DPP8: variants seen among roughly 807,000 people sequenced by gnomAD.
The protein encoded by DPP8 is dipeptidyl peptidase 8.
DPP8 carries 31 observed loss-of-function variants against 107.5 expected under a neutral mutation model. That is an observed-to-expected ratio of 0.29 (90% CI 0.22 to 0.39). The LOEUF is 0.39. DPP8 is among the 10% of genes least tolerant of loss of function. The pLI, the probability that DPP8 is intolerant of heterozygous loss-of-function variation, is 1.00. For synonymous variants in DPP8, 381 were observed against 356.6 expected, an observed-to-expected ratio of 1.07 and a Z score of -0.77; for missense variants, 842 against 1,076.1, an observed-to-expected ratio of 0.78 and a Z score of 3.04.
rs2063372965 is a variant in DPP8 at position 65,443,494 on chromosome 15, A to T, written c.*3390T>A. 1 of 32,716 alleles carries T rather than the reference A, an allele frequency of 3.1e-5. No homozygotes were observed. The highest frequency in any genetic ancestry group is 2.2e-4 in the Admixed American group (1 of 4,512). The allele number at this position is 32,716 out of a possible 1,614,324, so 2.0% of individuals were successfully genotyped here. A position where few individuals can be genotyped will look rare whatever the true frequency, so the allele number is the denominator to read the frequency against. On this transcript the variant is annotated 3_prime_UTR_variant, in exon 20 of 20. Coordinates refer to ENST00000300141, the MANE Select transcript of DPP8 (RefSeq NM_130434.5). ...TTCTGGAAGGAATAAAACAAGTAGT[A>T]AAAAAAAAAAAGTAAGCATCGGTAT...
chr15:65,447,438 C>T (rs771630181), intron 19 of DPP8, among the ~76,000 whole-genome samples: 2 of 152,156 alleles, frequency 1.3e-5, no homozygotes, highest in Non-Finnish European at 2.9e-5. Context: ...CTAGAAGTCA[C>T]AGTATTCCTC....
chr15:65,460,155 C>G (rs553426800), intron 15 of DPP8, among the ~76,000 whole-genome samples: 2 of 152,130 alleles, frequency 1.3e-5, no homozygotes, highest in East Asian at 3.9e-4. Flanking sequence ...CCATTAATAA[C>G]TTCCAGACAG....
chr15:65,452,257 T>C (rs7180725), intron 17 of DPP8, among the ~76,000 whole-genome samples, 155 bp from the exon 18 acceptor site: 31,240 of 152,036 alleles, frequency 0.21, 4,219 homozygotes, highest in East Asian at 0.73. Context: ...GAATACGAAG[T>C]GAAGCGCTAA....
At position 65,442,802 on chromosome 15, in the gene DPP8, T is replaced by C. The variant is rs1271000727; in HGVS notation, c.*4082A>G. The C allele has an allele frequency of 6.6e-6, 1 of 152,208 alleles. No homozygotes were observed. Among genetic ancestry groups the C allele is most frequent in the Non-Finnish European group, 1.5e-5 (1 of 68,032 alleles). The allele number at this position is 152,208 out of a possible 1,614,324, so 9.4% of individuals were successfully genotyped here. ...CCAGGACCTTGCACTAACATCTCTA[T>C]ATTTGAGGCTGGAAGATGGCTAGGT... On this transcript the variant is annotated 3_prime_UTR_variant, in exon 20 of 20. Coordinates refer to ENST00000300141, the MANE Select transcript of DPP8 (RefSeq NM_130434.5).
intron 11 of DPP8, chr15:65,475,662 A>T: frequency 1.4e-6 from 1 of 691,428 alleles, no homozygotes; most frequent in East Asian, 3.3e-5. Flanking sequence ...TAAAACTCAC[A>T]AAAGAAAATG....
chr15:65,451,135 AT>A, intron 18 of DPP8, 25 bp from the exon 19 acceptor site: 1 of 1,370,682 alleles, frequency 7.3e-7, no homozygotes, highest in Non-Finnish European at 1.0e-6. Context: ...ATATTAGAGG[AT>A]TAGGCAAAAT....
In DPP8 at chr15:65,497,871, C is replaced by T; in HGVS notation, c.708G>A (p.Val236=). Residue 236 remains valine, a synonymous_variant, in exon 5 of 20, where the codon GTG becomes GTA. Coordinates refer to ENST00000300141, the MANE Select transcript of DPP8 (RefSeq NM_130434.5). ...VTREERRLTY[V]HNELANMEED... ...TGAAGAACTACGCCTTACCATTGTG[C>T]ACATAAGTGAGTCTCCTTTCTTCTC... The T allele has an allele frequency of 6.5e-7, 1 of 1,539,282 alleles. No individual in the cohort carries two copies. Among genetic ancestry groups the T allele is most frequent in the Non-Finnish European group, 8.8e-7 (1 of 1,134,086 alleles).
At chr15:65,474,348 A>G in intron 11 of DPP8, 60 bp from the exon 12 acceptor site, 3 of 1,258,066 alleles carry the variant, frequency 2.4e-6, no homozygotes, top group Non-Finnish European at 3.5e-6. Context: ...AAATGAAACA[A>G]TTAAGAACAG....
rs1013556661 is a variant in DPP8, at chr15:65,477,686, C to T, written c.1456+1194G>A. ...CTGGGACTACAGGCGCCCACCACCACGCCCGGCTAATTTTTTTTTGTATTT... is the reference window on the plus strand; with the variant it reads ...CTGGGACTACAGGCGCCCACCACCATGCCCGGCTAATTTTTTTTTGTATTT... On this transcript the variant is annotated intron_variant, in intron 11 of 19. Transcript: ENST00000300141. Among the ~76,000 whole-genome samples, 8 of 151,660 alleles carry T rather than the reference C, an allele frequency of 5.3e-5. No individual in the cohort carries two copies. The South Asian group carries it at 1.3e-3, about 24-fold the overall frequency.
intron 11 of DPP8, chr15:65,475,630 C>G: frequency 2.3e-6 from 2 of 871,478 alleles, no homozygotes; most frequent in South Asian, 1.4e-5. Flanking sequence ...GGCATTTCTT[C>G]TAGAAATGCA....
At position 65,484,987 on chromosome 15, in the gene DPP8, T is replaced by C. The variant is rs957630711; in HGVS notation, c.1017+112A>G. On this transcript the variant is annotated intron_variant, in intron 8 of 19. Coordinates refer to ENST00000300141, the MANE Select transcript of DPP8 (RefSeq NM_130434.5). ...TCAATCTAAAATCATGATCCACCGA[T>C]ATCTCAGCAAGTTCAGCAAGTCCAA... 3.9e-5 allele frequency: 32 copies of C among 818,670 alleles called. No individual in the cohort carries two copies. The East Asian group carries it at 7.6e-4, about 19-fold the overall frequency. 50.7% of individuals were successfully genotyped at this position (818,670 alleles called of 1,614,324 possible). A position where few individuals can be genotyped will look rare whatever the true frequency, so the allele number is the denominator to read the frequency against.
chr15:65,505,651 G>A (rs987925354), intron 3 of DPP8, among the ~76,000 whole-genome samples: 1 of 151,944 alleles, frequency 6.6e-6, no homozygotes, highest in Non-Finnish European at 1.5e-5. Flanking sequence ...AATAGTTGGA[G>A]TGAAAATGAT....
chr15:65,445,349 G>A lies in DPP8; in HGVS notation c.*1535C>T, dbSNP rs1468894920. On this transcript the variant is annotated 3_prime_UTR_variant, in exon 20 of 20. Coordinates refer to ENST00000300141, the MANE Select transcript of DPP8 (RefSeq NM_130434.5). ...GTAATAACTTTCTAAACACTGAAGT[G>A]TGTGATAAAAAGCATCAAACTCATA... 1 of 152,208 alleles carries A rather than the reference G, an allele frequency of 6.6e-6. No individual in the cohort carries two copies. Among genetic ancestry groups the A allele is most frequent in the Non-Finnish European group, 1.5e-5 (1 of 68,038 alleles). The allele number at this position is 152,208 out of a possible 1,614,324, so 9.4% of individuals were successfully genotyped here. A position where few individuals can be genotyped will look rare whatever the true frequency, so the allele number is the denominator to read the frequency against.
chr15:65,474,303 A>G lies in DPP8; in HGVS notation c.1457-15T>C, dbSNP rs542507546. 6.5e-7 allele frequency: 1 copy of G among 1,546,336 alleles called. No homozygotes were observed. The highest frequency in any genetic ancestry group is 2.2e-5 in the East Asian group (1 of 44,564). ...CTTGAAATCACCTGAAGATAAATAT[A>G]ATTATAATTCAGTACATTATACCAG... On this transcript the variant is annotated splice_polypyrimidine_tract_variant and intron_variant, in intron 11 of 19. Transcript: ENST00000300141.
chr15:65,476,088 T>C (rs1243308839), intron 11 of DPP8, among the ~76,000 whole-genome samples: 1 of 152,166 alleles, frequency 6.6e-6, no homozygotes, highest in Non-Finnish European at 1.5e-5. Context: ...TTGATGAGGC[T>C]CTCTCAGCGG....
At chr15:65,447,733 A>T (rs574742022) in intron 19 of DPP8, among the ~76,000 whole-genome samples, 1 of 152,286 alleles carries the variant, frequency 6.6e-6, no homozygotes, top group Admixed American at 6.5e-5. Context: ...ATATTTTCTC[A>T]AAAGTGAATG....
chr15:65,459,189 T>C (rs2064706144), intron 15 of DPP8, among the ~76,000 whole-genome samples: 1 of 150,776 alleles, frequency 6.6e-6, no homozygotes, highest in Non-Finnish European at 1.5e-5. Context: ...CTGTTTCTTC[T>C]CTTTTGACAC....
chr15:65,491,183 G>C (rs1380811259), intron 5 of DPP8, among the ~76,000 whole-genome samples: 6 of 119,788 alleles, frequency 5.0e-5, no homozygotes, highest in South Asian at 2.7e-4. Context: ...AAAAAAAAAA[G>C]ATTTTGTGTC....
chr15:65,504,678 A>AC (rs1308599494), intron 3 of DPP8, among the ~76,000 whole-genome samples: 3 of 151,148 alleles, frequency 2.0e-5, no homozygotes, highest in East Asian at 1.9e-4. Context: ...AAAAAAAAAA[A>AC]AAAAAAAACT....
Sources: allele counts gnomAD v4.1 joint callset (sites outside exome capture counted in the v4.1 genomes callset), GRCh38; gene constraint gnomAD v4.1.1; transcripts MANE v1.5; gene names NCBI Gene and HGNC (gene_info 2026-07-23, HGNC 2026-07-21).